ISM1: variants seen among roughly 807,000 people sequenced by gnomAD.
ISM1 encodes the protein isthmin-1.
In ISM1, 25 loss-of-function variants were observed where a neutral mutation model predicts 46.3. The observed-to-expected ratio is 0.54, with a 90% CI of 0.39 to 0.75. The LOEUF (loss-of-function observed/expected upper bound fraction) is 0.75, where lower values mean the gene tolerates loss of function less well. ISM1 is among the 30% of genes least tolerant of loss of function. ISM1 has a pLI of 0.00. For synonymous variants in ISM1, 255 were observed against 256.7 expected, an observed-to-expected ratio of 0.99 and a Z score of 0.06; for missense variants, 536 against 625.4, an observed-to-expected ratio of 0.86 and a Z score of 1.52.
At chr20:13,268,708 C>G (rs996297571) in intron 1 of ISM1, among the ~76,000 whole-genome samples, 1 of 152,136 alleles carries the variant, frequency 6.6e-6, no homozygotes, top group Non-Finnish European at 1.5e-5. Context: ...GGTCTCTGAA[C>G]CAGTGAGTTT....
At chr20:13,270,188 T>C (rs1440021353) in intron 1 of ISM1, among the ~76,000 whole-genome samples, 3 of 152,226 alleles carry the variant, frequency 2.0e-5, no homozygotes, top group African/African-American at 7.2e-5. Context: ...ATAATTTGGT[T>C]CCAGCTCTAA....
chr20:13,241,025 C>A (rs2039715371), intron 1 of ISM1, among the ~76,000 whole-genome samples: 1 of 152,100 alleles, frequency 6.6e-6, no homozygotes, highest in Non-Finnish European at 1.5e-5. Flanking sequence ...AAAAGGAGAA[C>A]CAAGAGGTGT....
At chr20:13,296,740 C>A (rs1410459360) in intron 5 of ISM1, among the ~76,000 whole-genome samples, 10 of 152,272 alleles carry the variant, frequency 6.6e-5, no homozygotes, top group Admixed American at 5.9e-4. Context: ...ATTTTGTCAG[C>A]CAGGCGTGGT....
intron 4 of ISM1, among the ~76,000 whole-genome samples, chr20:13,291,543 G>A (rs976931074): frequency 5.9e-5 from 9 of 152,168 alleles, no homozygotes; most frequent in African/African-American, 1.7e-4. Context: ...TTACCACAGT[G>A]CCTCACTCCC....
In ISM1 at chr20:13,273,233, T is replaced by A. The variant is rs528188814; in HGVS notation, c.378+2490T>A. On this transcript the variant is annotated intron_variant, in intron 2 of 5. Coordinates refer to ENST00000262487, the MANE Select transcript of ISM1 (RefSeq NM_080826.2). ...TGGGTCTTTTTTATTTTATTTTATT[T>A]TATTTTATTTTATTTTATTTTGACA... Among the ~76,000 whole-genome samples, 9 of 149,188 alleles carry A rather than the reference T, an allele frequency of 6.0e-5. No homozygotes were observed. In the South Asian group the frequency reaches 1.9e-3, roughly 32 times the overall value.
At chr20:13,263,966 TTTTG>T (rs137958020) in intron 1 of ISM1, among the ~76,000 whole-genome samples, 12,725 of 152,208 alleles carry the variant, frequency 0.084, 621 homozygotes, top group East Asian at 0.17. Context: ...CCTAGGGTTT[TTTTG>T]TTTTTCTTTA....
chr20:13,279,056 C>T (rs1201634440), intron 2 of ISM1, among the ~76,000 whole-genome samples: 3 of 152,138 alleles, frequency 2.0e-5, no homozygotes, highest in Non-Finnish European at 4.4e-5. Flanking sequence ...ATGCAGATCT[C>T]CAGGGAGGAG....
At chr20:13,321,275 A>AAAAAAAAAAAAAAAAT in the ISM1 span, among the ~76,000 whole-genome samples, 19 of 150,630 alleles carry the variant, frequency 1.3e-4, no homozygotes, top group Admixed American at 4.6e-4. Context: ...AAAAAAAAAA[A>AAAAAAAAAAAAAAAAT]AGATTTTATG....
intron 1 of ISM1, among the ~76,000 whole-genome samples, chr20:13,231,229 C>T (rs1568662141): frequency 6.6e-6 from 1 of 152,180 alleles, no homozygotes; most frequent in African/African-American, 2.4e-5. Flanking sequence ...TTCCATGAGG[C>T]CCCTGCTTGT....
chr20:13,305,139 A>G (rs1183173308), downstream of ISM1, among the ~76,000 whole-genome samples: 1 of 151,420 alleles, frequency 6.6e-6, no homozygotes, highest in Non-Finnish European at 1.5e-5. Flanking sequence ...ACCAAAGAAG[A>G]GTCAATCTCA....
intron 3 of ISM1, among the ~76,000 whole-genome samples, chr20:13,284,350 C>G (rs1043924463): frequency 1.3e-5 from 2 of 152,196 alleles, no homozygotes; most frequent in African/African-American, 2.4e-5. Flanking sequence ...AGCTCTCAGC[C>G]CACTGCACTC....
intron 5 of ISM1, 31 bp from the exon 6 acceptor site, chr20:13,298,911 G>T: frequency 1.9e-6 from 3 of 1,606,088 alleles, no homozygotes; most frequent in Non-Finnish European, 2.6e-6. Context: ...TTGTACACGC[G>T]GTGAGAGGGT....
At chr20:13,222,316 T>C (rs974045254) in intron 1 of ISM1, among the ~76,000 whole-genome samples, 3 of 152,142 alleles carry the variant, frequency 2.0e-5, no homozygotes, top group African/African-American at 7.2e-5. Context: ...AAGGAGACTT[T>C]ATAGGATGAT....
chr20:13,273,070 G>A (rs751996585), intron 2 of ISM1, among the ~76,000 whole-genome samples: 103 of 152,166 alleles, frequency 6.8e-4, no homozygotes, highest in African/African-American at 2.4e-3. Context: ...AGGCTGCCGG[G>A]GACTGTTCCT....
intron 1 of ISM1, among the ~76,000 whole-genome samples, chr20:13,240,267 T>C (rs113961338): frequency 1.3e-5 from 2 of 152,302 alleles, no homozygotes; most frequent in African/African-American, 4.8e-5. Flanking sequence ...TGATTCAGAA[T>C]AAAGGAATTA....
chr20:13,262,892 G>A (rs893392216), intron 1 of ISM1, among the ~76,000 whole-genome samples: 3 of 152,150 alleles, frequency 2.0e-5, no homozygotes, highest in African/African-American at 7.2e-5. Flanking sequence ...TCACTGCCAA[G>A]CCCTAAAGTA....
intron 1 of ISM1, among the ~76,000 whole-genome samples, chr20:13,266,052 C>A (rs560766941): frequency 3.9e-5 from 6 of 152,312 alleles, no homozygotes; most frequent in Admixed American, 1.3e-4. Context: ...AAAACCGAAT[C>A]TGAAAACTCC....
chr20:13,315,408 C>A, the ISM1 span, among the ~76,000 whole-genome samples: 1 of 151,956 alleles, frequency 6.6e-6, no homozygotes, highest in Non-Finnish European at 1.5e-5. Context: ...ACAGAGTAGA[C>A]TTAAGACCAA....
intron 5 of ISM1, among the ~76,000 whole-genome samples, chr20:13,295,020 C>G (rs2040393115): frequency 6.6e-6 from 1 of 152,132 alleles, no homozygotes; most frequent in Non-Finnish European, 1.5e-5. Context: ...CTTCCTCGTT[C>G]TATTGATGAG....
Sources: gnomAD v4.1 joint callset for allele counts (sites outside exome capture counted in the v4.1 genomes callset) on GRCh38, gnomAD v4.1.1 for gene constraint, MANE v1.5 for transcripts, NCBI Gene and HGNC (gene_info 2026-07-23, HGNC 2026-07-21) for gene names.